ETFDH: variants seen among roughly 807,000 people sequenced by gnomAD.
The protein encoded by ETFDH is electron transfer flavoprotein dehydrogenase.
ETFDH carries 61 observed loss-of-function variants against 73.2 expected under a neutral mutation model. The ratio of observed to expected loss-of-function variants is 0.83; its 90% CI spans 0.68 to 1.03. The LOEUF (loss-of-function observed/expected upper bound fraction) is 1.03, where lower values mean the gene tolerates loss of function less well. Among genes scored for constraint, ETFDH ranks in the 50% least tolerant of loss-of-function variants. The pLI, the probability that ETFDH is intolerant of heterozygous loss-of-function variation, is 0.00. For missense variants in ETFDH, 685 were observed against 745.0 expected, an observed-to-expected ratio of 0.92 and a Z score of 0.94; for synonymous variants, 243 against 253.3, an observed-to-expected ratio of 0.96 and a Z score of 0.39.
chr4:158,690,491 C>A, intron 6 of ETFDH, 66 bp downstream of exon 6: 1 of 943,990 alleles, frequency 1.1e-6, no homozygotes, highest in Non-Finnish European at 1.8e-6. Flanking sequence ...GTGTGGGCAT[C>A]AAAGTGAAAC....
chr4:158,678,480 G>C (rs552912709), intron 1 of ETFDH, among the ~76,000 whole-genome samples: 5 of 152,004 alleles, frequency 3.3e-5, no homozygotes, highest in South Asian at 2.1e-4. Flanking sequence ...ATGTCTTATT[G>C]CTGGTAACAT....
At chr4:158,688,897 G>A (rs1418645037) in intron 5 of ETFDH, among the ~76,000 whole-genome samples, 2 of 151,974 alleles carry the variant, frequency 1.3e-5, no homozygotes, top group African/African-American at 2.4e-5. Flanking sequence ...TCGTTTTTTT[G>A]TTGTTGGTTT....
intron 5 of ETFDH, 55 bp downstream of exon 5, chr4:158,685,274 AGT>A: frequency 1.1e-6 from 1 of 915,438 alleles, no homozygotes. Flanking sequence ...TTTTTTAATA[AGT>A]GGAGAATTTT....
intron 6 of ETFDH, among the ~76,000 whole-genome samples, chr4:158,695,066 A>T (rs1202182203): frequency 6.6e-6 from 1 of 152,232 alleles, no homozygotes; most frequent in African/African-American, 2.4e-5. Flanking sequence ...GTCCTTGTAT[A>T]TGTGAACCCA....
intron 12 of ETFDH, among the ~76,000 whole-genome samples, chr4:158,707,274 T>G (rs1774650609): frequency 6.6e-6 from 1 of 152,220 alleles, no homozygotes; most frequent in African/African-American, 2.4e-5. Flanking sequence ...AGCTTTCAAC[T>G]GAAATTACAG....
intron 3 of ETFDH, among the ~76,000 whole-genome samples, chr4:158,684,020 G>A (rs1398096579): frequency 1.3e-5 from 2 of 152,150 alleles, no homozygotes; most frequent in Non-Finnish European, 2.9e-5. Context: ...AAAAAGACAT[G>A]AGGGTCACGT....
Position 158,706,916 on chromosome 4 carries a change from T to TA in ETFDH, c.1690+72dup. ...TTTTAGGAATGTGATTTTGTTCTTT[T>TA]AAAAAATGATTTCTGTATCTCCTTC... is the stretch of plus-strand genomic sequence containing the variant. On this transcript the variant is annotated intron_variant, in intron 12 of 12. Transcript: ENST00000511912. The TA allele has an allele frequency of 2.8e-6, 3 of 1,081,520 alleles. No homozygotes were observed. In the Admixed American group the frequency reaches 5.3e-5, roughly 19 times the overall value. 67.0% of individuals were successfully genotyped at this position (1,081,520 alleles called of 1,614,324 possible). A position where few individuals can be genotyped will look rare whatever the true frequency, so the allele number is the denominator to read the frequency against.
In ETFDH at chr4:158,684,687, A is replaced by G; in HGVS notation, c.487+14A>G. The G allele has an allele frequency of 3.1e-6, 4 of 1,300,448 alleles. No homozygotes were observed. The highest frequency in any genetic ancestry group is 4.5e-6 in the Non-Finnish European group (4 of 894,012). The allele number at this position is 1,300,448 out of a possible 1,614,324, so 80.6% of individuals were successfully genotyped here. A position where few individuals can be genotyped will look rare whatever the true frequency, so the allele number is the denominator to read the frequency against. ...CAATTCTTCCAGGTAAGGTATAGTG[A>G]ATATGCATAGAACTATGGAATTCCA... On this transcript the variant is annotated intron_variant, in intron 4 of 12. Coordinates refer to ENST00000511912, the MANE Select transcript of ETFDH (RefSeq NM_004453.4).
intron 7 of ETFDH, among the ~76,000 whole-genome samples, 157 bp from the exon 8 acceptor site, chr4:158,697,402 A>G (rs936323735): frequency 6.6e-6 from 1 of 152,098 alleles, no homozygotes; most frequent in African/African-American, 2.4e-5. Flanking sequence ...GCCTTCTTTG[A>G]TATTTGAAGT....
intron 2 of ETFDH, among the ~76,000 whole-genome samples, 172 bp downstream of exon 2, chr4:158,680,779 A>G (rs1294908279): frequency 1.3e-5 from 2 of 152,226 alleles, no homozygotes; most frequent in Admixed American, 1.3e-4. Flanking sequence ...GACAATTATA[A>G]TGGTAATCCC....
In ETFDH at chr4:158,699,068, A is replaced by T. The variant is rs764131933; in HGVS notation, c.1054A>T (p.Thr352Ser). The T allele has an allele frequency of 6.2e-7, 1 of 1,614,004 alleles. No individual in the cohort carries two copies. Residue 352 changes from threonine to serine, a missense_variant, in exon 9 of 13, where the codon ACC becomes TCC. Thr to Ser is a moderately conservative substitution (Grantham distance 58, BLOSUM62 1). Around this residue, in one of 3 missense-constraint regions of ETFDH, gnomAD observed 79 missense variants for 120.5 expected, o/e 0.66. Transcript: ENST00000511912. ...GAAACACCATCCTAGCATTCGGCCA[A>T]CCTTGGAAGGTGGAAAAAGGATTGC... ...RWKHHPSIRP[T>S]LEGGKRIAYG...
chr4:158,696,010 A>T (rs1016646121), intron 7 of ETFDH, among the ~76,000 whole-genome samples: 9 of 152,032 alleles, frequency 5.9e-5, no homozygotes, highest in African/African-American at 2.2e-4. Flanking sequence ...ACGAAGAATT[A>T]TTTTTTTCAA....
rs138149265 is a variant in ETFDH, at chr4:158,684,627, T to C, written c.441T>C (p.Phe147=). The C allele has an allele frequency of 5.0e-5, 79 of 1,585,278 alleles. No homozygotes were observed. In the African/African-American group the frequency reaches 9.4e-4, roughly 19 times the overall value. ...ACACTCCTGTAACAGAAGACAGATT[T>C]GGAATTTTAACAGAGAAATACAGAA... ...PLNTPVTEDR[F]GILTEKYRIP... The change falls in exon 4 of 13, where the codon TTT becomes TTC. Residue 147 remains phenylalanine (F), a synonymous_variant. Coordinates refer to ENST00000511912, the MANE Select transcript of ETFDH (RefSeq NM_004453.4).
intron 5 of ETFDH, among the ~76,000 whole-genome samples, chr4:158,687,868 G>A (rs1269651326): frequency 1.3e-5 from 2 of 148,766 alleles, no homozygotes; most frequent in Non-Finnish European, 3.0e-5. Context: ...GTGAAACCCC[G>A]TCTCTACTAA....
At chr4:158,680,681 A>C (rs1026815666) in intron 2 of ETFDH, 74 bp downstream of exon 2, 1 of 1,263,818 alleles carries the variant, frequency 7.9e-7, no homozygotes, top group Non-Finnish European at 1.2e-6. Flanking sequence ...GGAGAGTATT[A>C]ATATTTTTCA....
At chr4:158,705,223 G>A (rs752084849) in intron 10 of ETFDH, among the ~76,000 whole-genome samples, 27 of 151,752 alleles carry the variant, frequency 1.8e-4, no homozygotes, top group Non-Finnish European at 3.5e-4. Flanking sequence ...TTAGAGACAG[G>A]GTCTCTCTCT....
In ETFDH at chr4:158,706,322, C is replaced by A; in HGVS notation, c.1419C>A (p.Ile473=). 1 of 1,613,542 alleles carries A rather than the reference C, an allele frequency of 6.2e-7. No homozygotes were observed. Among genetic ancestry groups the A allele is most frequent in the Non-Finnish European group, 8.5e-7 (1 of 1,179,526 alleles). ...ATGGAGGGATGATTTACACTGGAATCTTTTACTGGATATTGAGAGGAATGG... is the reference window on the plus strand; with the variant it reads ...ATGGAGGGATGATTTACACTGGAATATTTTACTGGATATTGAGAGGAATGG... The part of the protein sequence containing the change: ...GVYGGMIYTG[I]FYWILRGMEP... Residue 473 remains isoleucine, a synonymous_variant, in exon 11 of 13, where the codon ATC becomes ATA. Transcript: ENST00000511912.
intron 5 of ETFDH, among the ~76,000 whole-genome samples, chr4:158,689,595 C>CATATATAT (rs573706904): frequency 8.2e-4 from 27 of 32,766 alleles, no homozygotes; most frequent in South Asian, 3.3e-3. Context: ...ATAAAACCTT[C>CATATATAT]ATATATATAT....
In ETFDH at chr4:158,672,429, C is replaced by G. The variant is rs1773594751; in HGVS notation, c.-28C>G. 1 of 1,613,912 alleles carries G rather than the reference C, an allele frequency of 6.2e-7. No homozygotes were observed. The stretch of plus-strand genomic sequence containing the variant: ...GCAGCGGACAGTCCTCCTGTTGTGT[C>G]CGACCGAGAGTCCTGGTGACTTTGA... On this transcript the variant is annotated 5_prime_UTR_variant, in exon 1 of 13. Transcript: ENST00000511912.
Sources: allele counts gnomAD v4.1 joint callset (sites outside exome capture counted in the v4.1 genomes callset), GRCh38; gene constraint gnomAD v4.1.1; regional missense constraint gnomAD v4.1.1; transcripts MANE v1.5; gene names NCBI Gene and HGNC (gene_info 2026-07-23, HGNC 2026-07-21).